ST6GALNAC3: variants seen among roughly 807,000 people sequenced by gnomAD.
ST6GALNAC3 encodes ST6 N-acetylgalactosaminide alpha-2,6-sialyltransferase 3.
Under a neutral mutation model 32.7 loss-of-function variants are expected in ST6GALNAC3, and 25 were observed. The observed-to-expected ratio is 0.76, with a 90% CI of 0.56 to 1.07. The LOEUF is 1.07. Among genes scored for constraint, ST6GALNAC3 ranks in the 50% least tolerant of loss-of-function variants. The pLI is 0.00. For missense variants in ST6GALNAC3, 355 were observed against 382.4 expected (o/e 0.93, Z 0.60); for synonymous variants, 129 against 133.1 (o/e 0.97, Z 0.21).
intron 1 of ST6GALNAC3, among the ~76,000 whole-genome samples, chr1:76,247,808 T>TC (rs1227305266): frequency 6.6e-6 from 1 of 151,062 alleles, no homozygotes; most frequent in Non-Finnish European, 1.5e-5. Flanking sequence ...CCTGGCTTCA[T>TC]CCCCCTTTCC....
intron 3 of ST6GALNAC3, among the ~76,000 whole-genome samples, chr1:76,508,728 T>C (rs1256900170): frequency 3.9e-5 from 6 of 152,176 alleles, no homozygotes; most frequent in African/African-American, 7.2e-5. Flanking sequence ...AGGTAGCATA[T>C]ACTCTGTGAT....
intron 1 of ST6GALNAC3, among the ~76,000 whole-genome samples, chr1:76,151,170 T>C (rs1209008809): frequency 2.0e-5 from 3 of 152,150 alleles, no homozygotes; most frequent in African/African-American, 7.2e-5. Context: ...CTCCCCTTCC[T>C]CCGCCTTCAT....
intron 1 of ST6GALNAC3, among the ~76,000 whole-genome samples, chr1:76,197,748 C>T (rs184791520): frequency 3.2e-4 from 48 of 152,120 alleles, no homozygotes; most frequent in African/African-American, 8.0e-4. Context: ...TAGGCAGGAC[C>T]CTCTAAGCCT....
At chr1:76,614,002 C>T (rs1195707512) in intron 3 of ST6GALNAC3, among the ~76,000 whole-genome samples, 1 of 152,184 alleles carries the variant, frequency 6.6e-6, no homozygotes, top group East Asian at 1.9e-4. Context: ...GTTACATCAT[C>T]GTTGAGAAAA....
chr1:76,191,994 G>A (rs751691410), intron 1 of ST6GALNAC3, among the ~76,000 whole-genome samples: 1 of 152,150 alleles, frequency 6.6e-6, no homozygotes. Context: ...ACACTGATGG[G>A]TATGGGAAAG....
At chr1:76,314,719 T>C (rs1221539072) in intron 2 of ST6GALNAC3, among the ~76,000 whole-genome samples, 1 of 152,190 alleles carries the variant, frequency 6.6e-6, no homozygotes, top group Non-Finnish European at 1.5e-5. Flanking sequence ...AAAATTGTTT[T>C]CACTATTCAT....
chr1:76,308,461 A>G (rs1399497560), intron 1 of ST6GALNAC3, among the ~76,000 whole-genome samples: 2 of 152,174 alleles, frequency 1.3e-5, no homozygotes, highest in Admixed American at 6.6e-5. Context: ...ATAAACTGAC[A>G]TGTACTTACT....
chr1:76,423,328 G>T (rs999866310), intron 3 of ST6GALNAC3, among the ~76,000 whole-genome samples: 4 of 151,926 alleles, frequency 2.6e-5, no homozygotes, highest in Non-Finnish European at 5.9e-5. Context: ...GGATAACTAG[G>T]GCCATTTCCT....
chr1:76,299,964 A>G (rs943240137), intron 1 of ST6GALNAC3, among the ~76,000 whole-genome samples: 4 of 151,980 alleles, frequency 2.6e-5, no homozygotes, highest in Non-Finnish European at 4.4e-5. Context: ...CTCAGTGGAC[A>G]TTTAAAATTC....
chr1:76,583,789 T>C (rs1646924293), intron 3 of ST6GALNAC3, among the ~76,000 whole-genome samples: 1 of 152,212 alleles, frequency 6.6e-6, no homozygotes, highest in South Asian at 2.1e-4. Context: ...TAAATTTTGA[T>C]CAGAGAAGAC....
intron 3 of ST6GALNAC3, among the ~76,000 whole-genome samples, chr1:76,511,441 T>C (rs1661854529): frequency 6.6e-6 from 1 of 152,090 alleles, no homozygotes; most frequent in Non-Finnish European, 1.5e-5. Context: ...ACTCACTAAC[T>C]CCTGCTGCTG....
In ST6GALNAC3 at chr1:76,255,842, A is replaced by G. The variant is rs147646597; in HGVS notation, c.19-57963A>G. ...GTAAACTAGAAGAGTAGAAAAAAGG[A>G]TGAAAGAAAAGGGCAATATAAAAGG... On this transcript the variant is annotated intron_variant, in intron 1 of 4. Transcript: ENST00000328299. 3.3e-3 allele frequency among the ~76,000 whole-genome samples: 506 copies of G among 152,262 alleles called. 4 individuals carry two copies. The highest frequency in any genetic ancestry group is 0.011 in the African/African-American group (473 of 41,550).
intron 3 of ST6GALNAC3, among the ~76,000 whole-genome samples, chr1:76,580,301 C>T (rs1345609351): frequency 1.3e-5 from 2 of 152,068 alleles, no homozygotes; most frequent in African/African-American, 4.8e-5. Flanking sequence ...CATGTCCACT[C>T]TTCACTCTGT....
chr1:76,449,892 T>C (rs961609557), intron 3 of ST6GALNAC3, among the ~76,000 whole-genome samples: 1 of 152,186 alleles, frequency 6.6e-6, no homozygotes, highest in Admixed American at 6.5e-5. Flanking sequence ...AGTGGTGATA[T>C]CTAAGATTTT....
intron 1 of ST6GALNAC3, among the ~76,000 whole-genome samples, chr1:76,145,904 T>G (rs910307838): frequency 6.6e-6 from 1 of 152,236 alleles, no homozygotes; most frequent in Non-Finnish European, 1.5e-5. Context: ...GTGATTAATT[T>G]AAAAATTTGC....
intron 2 of ST6GALNAC3, among the ~76,000 whole-genome samples, chr1:76,405,875 A>C (rs527282080): frequency 3.9e-5 from 6 of 152,102 alleles, no homozygotes; most frequent in African/African-American, 1.4e-4. Flanking sequence ...TATTGTTTAC[A>C]AACAAGGAAA....
At chr1:76,127,797 A>G (rs1649349281) in intron 1 of ST6GALNAC3, among the ~76,000 whole-genome samples, 1 of 152,184 alleles carries the variant, frequency 6.6e-6, no homozygotes, top group Non-Finnish European at 1.5e-5. Context: ...GCCAGGAGCC[A>G]TAGAATGTGA....
At chr1:76,567,531 A>C (rs894133158) in intron 3 of ST6GALNAC3, among the ~76,000 whole-genome samples, 6 of 152,200 alleles carry the variant, frequency 3.9e-5, no homozygotes. Flanking sequence ...CTTTTATACA[A>C]TAAAACATTG....
chr1:76,419,060 C>T (rs1342988630), intron 3 of ST6GALNAC3, among the ~76,000 whole-genome samples: 2 of 152,018 alleles, frequency 1.3e-5, no homozygotes, highest in African/African-American at 4.8e-5. Flanking sequence ...CACACACACA[C>T]ACACACACAT....
Sources: gnomAD v4.1 joint callset for allele counts (sites outside exome capture counted in the v4.1 genomes callset) on GRCh38, gnomAD v4.1.1 for gene constraint, MANE v1.5 for transcripts, NCBI Gene and HGNC (gene_info 2026-07-23, HGNC 2026-07-21) for gene names.